The following NEDD9 variants were observed in gnomAD, a reference collection of about 807,000 sequenced individuals.
NEDD9 encodes enhancer of filamentation 1.
NEDD9 carries 26 observed loss-of-function variants against 76.6 expected under a neutral mutation model. The observed-to-expected ratio is 0.34, with a 90% CI of 0.25 to 0.47. NEDD9 has a LOEUF of 0.47. Ranked by LOEUF, NEDD9 falls within the 20% of genes least tolerant of loss-of-function variation. The pLI is 1.00. For synonymous variants in NEDD9, 392 were observed against 414.2 expected (o/e 0.95, Z 0.65); for missense variants, 937 against 1,058.5 (o/e 0.89, Z 1.59).
intron 1 of NEDD9, among the ~76,000 whole-genome samples, chr6:11,361,582 A>G (rs1762680419): frequency 6.6e-6 from 1 of 152,160 alleles, no homozygotes; most frequent in Admixed American, 6.5e-5. Context: ...ACCTCCTACC[A>G]GGCCCCACCT....
At chr6:11,374,580 A>G (rs10484452) in intron 1 of NEDD9, among the ~76,000 whole-genome samples, 1,894 of 152,356 alleles carry the variant, frequency 0.012, 39 homozygotes, top group African/African-American at 0.043. Flanking sequence ...GTTCATGGAC[A>G]CTACTATTTG....
chr6:11,326,069 C>A (rs1435231871), intron 2 of NEDD9, among the ~76,000 whole-genome samples: 1 of 151,646 alleles, frequency 6.6e-6, no homozygotes, highest in Admixed American at 6.6e-5. Flanking sequence ...TCTCTTGAAC[C>A]CTGGAGGCGG....
At chr6:11,306,300 C>A in intron 2 of NEDD9, 1 of 482,516 alleles carries the variant, frequency 2.1e-6, no homozygotes, top group South Asian at 2.7e-5. Context: ...TTCATTCATG[C>A]AATCAAAGAA....
chr6:11,339,107 C>A (rs1476650789), intron 1 of NEDD9, among the ~76,000 whole-genome samples: 5 of 152,048 alleles, frequency 3.3e-5, no homozygotes, highest in Admixed American at 2.0e-4. Flanking sequence ...CAATTTCCCT[C>A]CCCCAGAGGC....
intron 1 of NEDD9, among the ~76,000 whole-genome samples, chr6:11,230,041 A>G (rs1759424311): frequency 6.6e-6 from 1 of 152,276 alleles, no homozygotes; most frequent in Non-Finnish European, 1.5e-5. Flanking sequence ...TACAGTGCAT[A>G]GAGCAACGTA....
intron 3 of NEDD9, among the ~76,000 whole-genome samples, chr6:11,272,595 C>T (rs949776795): frequency 1.3e-5 from 2 of 152,312 alleles, no homozygotes; most frequent in South Asian, 4.1e-4. Flanking sequence ...GGAAAATTCT[C>T]GTTTTGCACT....
At chr6:11,289,706 T>C (rs762174427) in intron 3 of NEDD9, among the ~76,000 whole-genome samples, 1 of 152,128 alleles carries the variant, frequency 6.6e-6, no homozygotes, top group Non-Finnish European at 1.5e-5. Context: ...CTGCCTCAGC[T>C]TCCCAAAGTG....
At chr6:11,247,276 G>A (rs895055127) in intron 3 of NEDD9, among the ~76,000 whole-genome samples, 1 of 152,038 alleles carries the variant, frequency 6.6e-6, no homozygotes, top group African/African-American at 2.4e-5. Context: ...CCTTTTTCCT[G>A]AATTTGTACT....
rs140279536 is a variant in NEDD9 at position 11,184,887 on chromosome 6, A to T, written c.*275T>A. ...AGACAAACATCTACAAACAAACATG[A>T]ATACATGGGCATACAAAAGCACGTG... On this transcript the variant is annotated 3_prime_UTR_variant, in exon 7 of 7. Transcript: ENST00000379446. 6 of 302,644 alleles carry T rather than the reference A, an allele frequency of 2.0e-5. No homozygotes were observed. In the East Asian group the frequency reaches 3.4e-4, roughly 17 times the overall value. The allele number at this position is 302,644 out of a possible 1,614,324, so 18.7% of individuals were successfully genotyped here. A position where few individuals can be genotyped will look rare whatever the true frequency, so the allele number is the denominator to read the frequency against.
chr6:11,194,024 T>C (rs1477712896), intron 2 of NEDD9, among the ~76,000 whole-genome samples: 1 of 152,080 alleles, frequency 6.6e-6, no homozygotes, highest in Non-Finnish European at 1.5e-5. Context: ...CATGCCCAGC[T>C]AATTTTTTGT....
intron 1 of NEDD9, among the ~76,000 whole-genome samples, chr6:11,380,222 G>A (rs947548526): frequency 6.6e-6 from 1 of 152,258 alleles, no homozygotes; most frequent in Non-Finnish European, 1.5e-5. Context: ...AGTACCTACA[G>A]TAGTAGGTGG....
chr6:11,321,391 C>T lies in NEDD9; in HGVS notation c.-153+13110G>A, dbSNP rs147709819. On this transcript the variant is annotated intron_variant, in intron 2 of 3. Coordinates refer to the NEDD9 transcript ENST00000397378. ...TGTGAGTGAAAACCTGTGTGCGTTA[C>T]ATCACAGAAAGCTATTCAAAATGCC... 2.2e-4 allele frequency among the ~76,000 whole-genome samples: 34 copies of T among 152,328 alleles called. No individual in the cohort carries two copies. The East Asian group carries it at 4.0e-3, about 18-fold the overall frequency.
intron 1 of NEDD9, among the ~76,000 whole-genome samples, chr6:11,358,168 G>T (rs1762615027): frequency 6.9e-6 from 1 of 143,900 alleles, no homozygotes; most frequent in African/African-American, 2.6e-5. Flanking sequence ...GGAATCGCTT[G>T]AATCCGGAAG....
intron 2 of NEDD9, among the ~76,000 whole-genome samples, chr6:11,319,789 T>A (rs1327686232): frequency 6.7e-6 from 1 of 149,948 alleles, no homozygotes; most frequent in African/African-American, 2.5e-5. Flanking sequence ...CACACTAACA[T>A]GCACACTCAC....
rs577850378 is a variant in NEDD9, at chr6:11,370,170, T to A, written c.-214+11969A>T. On this transcript the variant is annotated intron_variant, in intron 1 of 3. Coordinates refer to the NEDD9 transcript ENST00000397378. This position sits in a 1 kb window ranked among gnomAD's most constrained non-coding sequence, Gnocchi z 4.2. ...GACACATCTCTCTGCTAAATCATGC[T>A]TGTGGGAACCCAAGGAGGCCAGCCC... 3.4e-4 allele frequency among the ~76,000 whole-genome samples: 26 copies of A among 77,160 alleles called. No individual in the cohort carries two copies. The highest frequency in any genetic ancestry group is 1.6e-3 in the African/African-American group (22 of 13,836). 50.6% of individuals were successfully genotyped at this position (77,160 alleles called of 152,430 possible).
chr6:11,302,026 TGAAG>T (rs1761058871), intron 3 of NEDD9, among the ~76,000 whole-genome samples: 1 of 151,630 alleles, frequency 6.6e-6, no homozygotes, highest in Admixed American at 6.6e-5. Context: ...AGAGCAGAAC[TGAAG>T]GAGAGAGAGA....
intron 2 of NEDD9, among the ~76,000 whole-genome samples, chr6:11,205,476 G>A (rs553759357): frequency 6.6e-5 from 10 of 152,204 alleles, no homozygotes; most frequent in South Asian, 2.1e-4. Context: ...CATGCTTTAA[G>A]AAAACCAAGT....
chr6:11,249,551 T>C (rs1405813103), intron 3 of NEDD9, among the ~76,000 whole-genome samples: 1 of 152,118 alleles, frequency 6.6e-6, no homozygotes, highest in African/African-American at 2.4e-5. Context: ...AGCCAGATCT[T>C]GGTCACATGG....
At position 11,190,086 on chromosome 6, in the gene NEDD9, T is replaced by C. The variant is rs778245468; in HGVS notation, c.1783A>G (p.Lys595Glu). The change falls in exon 5 of 7, where the codon AAG becomes GAG. Residue 595 changes from lysine to glutamate, a missense_variant. Physicochemically the swap from Lys to Glu is moderately conservative, Grantham distance 56 (BLOSUM62 1). Coordinates refer to ENST00000379446, the MANE Select transcript of NEDD9 (RefSeq NM_006403.4). The surrounding 1 kb of genome is among the most constrained non-coding windows in gnomAD (Gnocchi z 5.8). The stretch of plus-strand genomic sequence containing the variant: ...AGTGCCTTGTTGTGGGCCTGGGCCT[T>C]GTGGTCACCAGGATGCAGCAGCTGT... ...QGQLLHPGDHKAQAHNKALPP... is the reference protein window; with the variant it reads ...QGQLLHPGDHEAQAHNKALPP... The C allele has an allele frequency of 6.2e-7, 1 of 1,607,986 alleles. No homozygotes were observed. Among genetic ancestry groups the C allele is most frequent in the African/African-American group, 1.3e-5 (1 of 75,002 alleles).
Sources: allele counts gnomAD v4.1 joint callset (sites outside exome capture counted in the v4.1 genomes callset), GRCh38; gene constraint gnomAD v4.1.1; non-coding constraint Gnocchi (gnomAD v3.1); transcripts MANE v1.5; gene names NCBI Gene and HGNC (gene_info 2026-07-23, HGNC 2026-07-21).